Variants in TAOK3 observed in about 807,000 individuals in gnomAD.
The protein encoded by TAOK3 is serine/threonine-protein kinase TAO3.
A neutral mutation model predicts 120.4 loss-of-function variants in TAOK3; 40 were observed. That is an observed-to-expected ratio of 0.33 (90% CI 0.26 to 0.43). The LOEUF is 0.43. Ranked by LOEUF, TAOK3 falls within the 20% of genes least tolerant of loss-of-function variation. The pLI is 1.00. For synonymous variants in TAOK3, 355 were observed against 387.5 expected, an observed-to-expected ratio of 0.92 and a Z score of 0.99; for missense variants, 821 against 1,112.1, an observed-to-expected ratio of 0.74 and a Z score of 3.72.
At chr12:118,336,092 C>A (rs1415162853) in intron 1 of TAOK3, among the ~76,000 whole-genome samples, 1 of 152,112 alleles carries the variant, frequency 6.6e-6, no homozygotes, top group Non-Finnish European at 1.5e-5. Flanking sequence ...CATAGGCAAG[C>A]TAAATCTGAC....
chr12:118,308,927 TCTC>T, intron 1 of TAOK3, among the ~76,000 whole-genome samples: 1 of 77,222 alleles, frequency 1.3e-5, no homozygotes, highest in South Asian at 4.7e-4. Flanking sequence ...CGAAACTCTG[TCTC>T]CAAAAAAAAA....
intron 1 of TAOK3, among the ~76,000 whole-genome samples, chr12:118,285,759 G>A (rs1288942978): frequency 1.3e-5 from 2 of 152,324 alleles, no homozygotes; most frequent in African/African-American, 2.4e-5. Flanking sequence ...GGTTGAGGAC[G>A]TGCACCCATG....
intron 14 of TAOK3, among the ~76,000 whole-genome samples, chr12:118,188,758 C>G (rs1008266735): frequency 6.6e-6 from 1 of 152,162 alleles, no homozygotes; most frequent in Admixed American, 6.5e-5. Context: ...ATCATAGGTT[C>G]TAAATGTAAT....
intron 13 of TAOK3, among the ~76,000 whole-genome samples, chr12:118,198,022 C>A (rs1222676044): frequency 6.6e-6 from 1 of 152,168 alleles, no homozygotes; most frequent in Non-Finnish European, 1.5e-5. Context: ...CACCAGCTGG[C>A]AATGCTGATC....
chr12:118,304,266 G>C (rs1438357144), intron 1 of TAOK3, among the ~76,000 whole-genome samples: 9 of 152,240 alleles, frequency 5.9e-5, no homozygotes, highest in African/African-American at 2.2e-4. Context: ...AAACTAAAGA[G>C]CACATACTTC....
intron 3 of TAOK3, 90 bp downstream of exon 3, chr12:118,255,358 G>T: frequency 6.9e-7 from 1 of 1,445,052 alleles, no homozygotes; most frequent in Non-Finnish European, 9.4e-7. Flanking sequence ...CTTGCAAAGT[G>T]CTAGGATTAC....
chr12:118,303,788 C>A (rs1422116972), intron 1 of TAOK3, among the ~76,000 whole-genome samples: 1 of 152,154 alleles, frequency 6.6e-6, no homozygotes, highest in Non-Finnish European at 1.5e-5. Context: ...GCTGGGATTA[C>A]AGGCACCTGC....
At chr12:118,264,761 T>C (rs1424431039) in intron 2 of TAOK3, among the ~76,000 whole-genome samples, 8 of 152,166 alleles carry the variant, frequency 5.3e-5, no homozygotes, top group Non-Finnish European at 1.2e-4. Context: ...AGTCTGGGTG[T>C]GGTAGCTCAT....
chr12:118,176,820 G>A (rs2036368982), intron 16 of TAOK3, among the ~76,000 whole-genome samples: 1 of 151,822 alleles, frequency 6.6e-6, no homozygotes, highest in South Asian at 2.1e-4. Context: ...AGACTGGAGT[G>A]CAGTGGTGCG....
At chr12:118,281,646 T>G (rs902120020) in intron 1 of TAOK3, among the ~76,000 whole-genome samples, 2 of 149,490 alleles carry the variant, frequency 1.3e-5, no homozygotes, top group Non-Finnish European at 1.5e-5. Context: ...TAGCCGGGGG[T>G]GGTGGTGGGT....
chr12:118,355,084 A>G (rs1044109718), intron 1 of TAOK3, among the ~76,000 whole-genome samples: 22 of 152,288 alleles, frequency 1.4e-4, no homozygotes, highest in African/African-American at 4.6e-4. Context: ...AAATAAAATA[A>G]AACTCATGAA....
intron 19 of TAOK3, among the ~76,000 whole-genome samples, chr12:118,157,663 C>T (rs1039020271): frequency 2.6e-5 from 4 of 152,202 alleles, no homozygotes; most frequent in Admixed American, 2.6e-4. Context: ...ACGGAGTAGA[C>T]TTTTCCAATG....
At chr12:118,337,252 A>C (rs556444063) in intron 1 of TAOK3, among the ~76,000 whole-genome samples, 2 of 152,228 alleles carry the variant, frequency 1.3e-5, no homozygotes, top group Non-Finnish European at 2.9e-5. Flanking sequence ...AAAAATAATG[A>C]CAACACCAAA....
chr12:118,326,953 A>C (rs1462553934), intron 1 of TAOK3, among the ~76,000 whole-genome samples: 1 of 152,180 alleles, frequency 6.6e-6, no homozygotes, highest in Non-Finnish European at 1.5e-5. Flanking sequence ...ATGTATAATG[A>C]TCATTCCCTT....
intron 1 of TAOK3, among the ~76,000 whole-genome samples, chr12:118,363,474 T>TA (rs2045659808): frequency 6.6e-6 from 1 of 152,112 alleles, no homozygotes; most frequent in Non-Finnish European, 1.5e-5. Flanking sequence ...AAGGATAAGA[T>TA]AAGTACAAAT....
intron 9 of TAOK3, among the ~76,000 whole-genome samples, chr12:118,219,632 C>T (rs2039122707): frequency 6.6e-6 from 1 of 152,042 alleles, no homozygotes; most frequent in Admixed American, 6.6e-5. Flanking sequence ...CAGGGTCTTA[C>T]TCTGTCACCC....
At chr12:118,167,611 A>G (rs1405391518) in intron 17 of TAOK3, among the ~76,000 whole-genome samples, 1 of 151,928 alleles carries the variant, frequency 6.6e-6, no homozygotes, top group Non-Finnish European at 1.5e-5. Context: ...AGTGGAGTGG[A>G]CATCTGTTAC....
At chr12:118,279,898 T>C (rs558501116) in intron 1 of TAOK3, among the ~76,000 whole-genome samples, 30 of 151,302 alleles carry the variant, frequency 2.0e-4, no homozygotes, top group African/African-American at 6.6e-4. Context: ...CCCAAGTAGC[T>C]GGGATTATAG....
intron 9 of TAOK3, among the ~76,000 whole-genome samples, chr12:118,217,811 G>C (rs1230438967): frequency 1.3e-5 from 1 of 75,402 alleles, no homozygotes; most frequent in African/African-American, 5.1e-5. Flanking sequence ...GTGTGTGTGT[G>C]TATACATATA....
Sources: allele counts gnomAD v4.1 joint callset (sites outside exome capture counted in the v4.1 genomes callset), GRCh38; gene constraint gnomAD v4.1.1; transcripts MANE v1.5; gene names NCBI Gene and HGNC (gene_info 2026-07-23, HGNC 2026-07-21).